PHLPP2: variants seen among roughly 807,000 people sequenced by gnomAD.
The protein encoded by PHLPP2 is PH domain and leucine rich repeat protein phosphatase 2.
Under a neutral mutation model 124.9 loss-of-function variants are expected in PHLPP2, and 66 were observed. The ratio of observed to expected loss-of-function variants is 0.53; its 90% confidence interval spans 0.43 to 0.65. The LOEUF is 0.65. PHLPP2 is among the 30% of genes least tolerant of loss of function. PHLPP2 has a pLI of 0.00. For synonymous variants in PHLPP2, 681 were observed against 624.7 expected (o/e 1.09, Z -1.34); for missense variants, 1,685 against 1,600.4 (o/e 1.05, Z -0.90).
At position 71,669,280 on chromosome 16, in the gene PHLPP2, G is replaced by A. The variant is rs186124960; in HGVS notation, c.1623C>T (p.Pro541=). ...DVSYNLLTEV[P]VRILSSLSLR... ...ATGCATCCAGGCACACATACCTCAC[G>A]GGAACCTCTGTGAGAAGATTATAGC... Residue 541 remains proline, a synonymous_variant, in exon 11 of 19, where the codon CCC becomes CCT. Transcript: ENST00000568954. 29 of 1,602,444 alleles carry A rather than the reference G, an allele frequency of 1.8e-5. No individual in the cohort carries two copies. The highest frequency in any genetic ancestry group is 1.6e-4 in the Middle Eastern group (1 of 6,066).
At chr16:71,690,367 C>T (rs1240221630) in intron 4 of PHLPP2, 152 bp downstream of exon 4, 10 of 620,868 alleles carry the variant, frequency 1.6e-5, no homozygotes, top group East Asian at 8.5e-5. Context: ...ATAATAGCCT[C>T]TGAACCTCTG....
chr16:71,717,487 T>C (rs1460730254), intron 1 of PHLPP2, among the ~76,000 whole-genome samples: 1 of 152,156 alleles, frequency 6.6e-6, no homozygotes, highest in African/African-American at 2.4e-5. Context: ...TGAGAACTAG[T>C]TTTCTCATCA....
In PHLPP2 at chr16:71,652,868, G is replaced by A. The variant is rs370946139; in HGVS notation, c.2739C>T (p.Pro913=). 23 of 1,614,110 alleles carry A rather than the reference G, an allele frequency of 1.4e-5. No individual in the cohort carries two copies. The highest frequency in any genetic ancestry group is 9.9e-5 in the South Asian group (9 of 91,088). The change falls in exon 18 of 19, where the codon CCC becomes CCT. Residue 913 remains proline (P), a synonymous_variant. Coordinates refer to ENST00000568954, the MANE Select transcript of PHLPP2 (RefSeq NM_015020.3). ...AVLCRGGKPV[P]LSKVFSLEQD... The stretch of plus-strand genomic sequence containing the variant: ...GCTCCAGGCTGAAGACTTTAGAGAG[G>A]GGCACTGGCTTCCCACCTCGGCACA...
chr16:71,686,396 A>G (rs1224724194), intron 4 of PHLPP2, among the ~76,000 whole-genome samples: 1 of 150,570 alleles, frequency 6.6e-6, no homozygotes, highest in Non-Finnish European at 1.5e-5. Context: ...CTGGTCTTGA[A>G]CTCCTAGACT....
chr16:71,653,131 C>A lies in PHLPP2; in HGVS notation c.2586-110G>T, dbSNP rs1439251559. 3 of 664,984 alleles carry A rather than the reference C, an allele frequency of 4.5e-6. No homozygotes were observed. In the South Asian group the frequency reaches 5.8e-5, roughly 13 times the overall value. The allele number at this position is 664,984 out of a possible 1,614,324, so 41.2% of individuals were successfully genotyped here. A position where few individuals can be genotyped will look rare whatever the true frequency, so the allele number is the denominator to read the frequency against. ...TTTTTTTTTTTTTTTACCATGTGAT[C>A]GTGAACCAGCCTTACCCTTATCCAC... On this transcript the variant is annotated intron_variant, in intron 17 of 18. Coordinates refer to ENST00000568954, the MANE Select transcript of PHLPP2 (RefSeq NM_015020.3).
intron 6 of PHLPP2, 73 bp from the exon 7 acceptor site, chr16:71,679,608 C>T (rs558288353): frequency 1.8e-4 from 233 of 1,266,462 alleles, no homozygotes; most frequent in Non-Finnish European, 2.4e-4. Context: ...GGGACATCAA[C>T]GGCCTTTGAT....
chr16:71,702,521 A>G, intron 3 of PHLPP2, 77 bp downstream of exon 3: 1 of 1,231,760 alleles, frequency 8.1e-7, no homozygotes. Context: ...ATACCTTTAA[A>G]AAGCTGACGG....
rs779056560 is a variant in PHLPP2 at position 71,658,330 on chromosome 16, T to C, written c.2182A>G (p.Ile728Val). 6.2e-7 allele frequency: 1 copy of C among 1,613,944 alleles called. No individual in the cohort carries two copies. Among genetic ancestry groups the C allele is most frequent in the Non-Finnish European group, 8.5e-7 (1 of 1,179,902 alleles). Residue 728 changes from isoleucine to valine, a missense_variant, in exon 15 of 19, where the codon ATC becomes GTC. Transcript: ENST00000568954. The stretch of plus-strand genomic sequence containing the variant: ...GCAGGCAAAGCCTCTGGAATCAGGA[T>C]TTCTGTCAAGTCGTTGCAACTTAGG... ...VDLSCNDLTE[I>V]LIPEALPATL...
intron 3 of PHLPP2, among the ~76,000 whole-genome samples, chr16:71,697,417 A>T (rs185145799): frequency 2.0e-5 from 3 of 152,164 alleles, no homozygotes; most frequent in Admixed American, 1.3e-4. Context: ...TACACACCTA[A>T]CCGCAAGAAA....
intron 12 of PHLPP2, 72 bp downstream of exon 12, chr16:71,667,106 T>G: frequency 7.8e-7 from 1 of 1,288,086 alleles, no homozygotes; most frequent in East Asian, 2.3e-5. Context: ...CAAAGGTCAC[T>G]CCAATGATAA....
chr16:71,708,223 C>G lies in PHLPP2; in HGVS notation c.285-5492G>C, dbSNP rs1453100597. Among the ~76,000 whole-genome samples the G allele has an allele frequency of 2.6e-5, 4 of 152,268 alleles. No homozygotes were observed. The East Asian group carries it at 7.7e-4, about 29-fold the overall frequency. ...AAGACAGGAATGTCAAGCCTCTGAG[C>G]CCAAGACTGCCTGTACACATCCAGA... On this transcript the variant is annotated intron_variant, in intron 2 of 18. Transcript: ENST00000568954.
chr16:71,679,317 A>C, intron 7 of PHLPP2, 72 bp downstream of exon 7: 1 of 1,319,494 alleles, frequency 7.6e-7, no homozygotes, highest in Admixed American at 1.7e-5. Flanking sequence ...TCAAGATACT[A>C]CCTTCATTCC....
In PHLPP2 at chr16:71,681,898, G is replaced by A. The variant is rs1446756054; in HGVS notation, c.743C>T (p.Ser248Phe). The change falls in exon 6 of 19, where the codon TCC becomes TTC. Residue 248 changes from serine (S) to phenylalanine (F), a missense_variant. Coordinates refer to ENST00000568954, the MANE Select transcript of PHLPP2 (RefSeq NM_015020.3). Reference protein sequence around the residue: ...RWQRQASKVVSQRISTVDLSC... With the variant: ...RWQRQASKVVFQRISTVDLSC... ...GAGATCCACGGTACTGATTCGCTGG[G>A]ACACCACCTGAATAATGTCAAAGAG... 6.2e-7 allele frequency: 1 copy of A among 1,605,990 alleles called. No homozygotes were observed. The highest frequency in any genetic ancestry group is 8.5e-7 in the Non-Finnish European group (1 of 1,176,028).
At chr16:71,670,715 C>CACACACACACACACACACAG (rs1276317118) in intron 10 of PHLPP2, among the ~76,000 whole-genome samples, 1 of 151,680 alleles carries the variant, frequency 6.6e-6, no homozygotes, top group Admixed American at 6.6e-5. Context: ...CACACACACA[C>CACACACACACACACACACAG]ACACACGAGA....
chr16:71,662,752 G>C (rs575719200), intron 13 of PHLPP2, among the ~76,000 whole-genome samples: 4 of 151,914 alleles, frequency 2.6e-5, no homozygotes, highest in African/African-American at 7.2e-5. Context: ...GCTGGTCATG[G>C]TGGCATGTGT....
intron 10 of PHLPP2, among the ~76,000 whole-genome samples, chr16:71,670,496 C>T (rs1361179408): frequency 6.6e-6 from 1 of 152,014 alleles, no homozygotes; most frequent in East Asian, 1.9e-4. Flanking sequence ...AAGAGCAGAA[C>T]TAAACTGAGC....
At chr16:71,655,500 ATTCT>A in intron 16 of PHLPP2, 66 bp from the exon 17 acceptor site, 1 of 1,131,984 alleles carries the variant, frequency 8.8e-7, no homozygotes, top group Non-Finnish European at 1.3e-6. Flanking sequence ...TCCAGGGAGC[ATTCT>A]TTTTTTTTTT....
chr16:71,671,912 T>TCAAACAAA (rs34858116), intron 10 of PHLPP2, among the ~76,000 whole-genome samples: 1 of 151,434 alleles, frequency 6.6e-6, no homozygotes, highest in Non-Finnish European at 1.5e-5. Flanking sequence ...AGACTCCGTC[T>TCAAACAAA]CAAACAAACA....
At chr16:71,692,100 T>G (rs957840843) in intron 3 of PHLPP2, among the ~76,000 whole-genome samples, 1 of 152,004 alleles carries the variant, frequency 6.6e-6, no homozygotes, top group African/African-American at 2.4e-5. Flanking sequence ...GACGGAGTCT[T>G]GCTCTGTCGC....
Sources: allele counts gnomAD v4.1 joint callset (sites outside exome capture counted in the v4.1 genomes callset), GRCh38; gene constraint gnomAD v4.1.1; transcripts MANE v1.5; gene names NCBI Gene and HGNC (gene_info 2026-07-23, HGNC 2026-07-21).